ZAR1: variants seen among roughly 807,000 people sequenced by gnomAD.
ZAR1 encodes zygote arrest 1.
Under a neutral mutation model 38.3 loss-of-function variants are expected in ZAR1, and 37 were observed. The ratio of observed to expected loss-of-function variants is 0.97; its 90% CI spans 0.74 to 1.27. The LOEUF (loss-of-function observed/expected upper bound fraction) is 1.27, where lower values mean the gene tolerates loss of function less well. ZAR1 is among the 50% of genes most tolerant of loss of function. The probability of loss-of-function intolerance (pLI) is 0.00; values close to 1 mark genes in which losing one functional copy is unlikely to be tolerated. For synonymous variants in ZAR1, 336 were observed against 292.0 expected (o/e 1.15, Z -1.53); for missense variants, 651 against 632.4 (o/e 1.03, Z -0.32).
intron 1 of ZAR1, among the ~76,000 whole-genome samples, chr4:48,491,729 G>A (rs1486471766): frequency 3.3e-5 from 5 of 152,158 alleles, no homozygotes; most frequent in African/African-American, 1.2e-4. Flanking sequence ...TCTCCTTTAC[G>A]AGCTTCCAGG....
In ZAR1 at chr4:48,490,793, G is replaced by T; in HGVS notation, c.502G>T (p.Gly168Cys). 1 of 1,503,446 alleles carries T rather than the reference G, an allele frequency of 6.7e-7. No homozygotes were observed. The highest frequency in any genetic ancestry group is 8.8e-7 in the Non-Finnish European group (1 of 1,133,672). The allele number at this position is 1,503,446 out of a possible 1,614,324, so 93.1% of individuals were successfully genotyped here. A position where few individuals can be genotyped will look rare whatever the true frequency, so the allele number is the denominator to read the frequency against. Residue 168 changes from glycine (G) to cysteine (C), a missense_variant, in exon 1 of 4, where the codon GGC becomes TGC. Gly to Cys is a radical substitution (Grantham distance 159). This residue lies in a region of ZAR1 where 522 missense variants were observed against 459.9 expected (regional missense o/e 1.14). Coordinates refer to ENST00000327939, the MANE Select transcript of ZAR1 (RefSeq NM_175619.3). The part of the protein sequence containing the change: ...RGLEQGSPQN[G>C]APRPMRFPRT... The stretch of plus-strand genomic sequence containing the variant: ...CCTGGAGCAGGGCAGCCCCCAGAAC[G>T]GCGCCCCGCGGCCCATGCGCTTCCC...
In ZAR1 at chr4:48,490,880, C is replaced by A; in HGVS notation, c.589C>A (p.Pro197Thr). The change falls in exon 1 of 4, where the codon CCC becomes ACC. Residue 197 changes from proline (P) to threonine (T), a missense_variant. Physicochemically the swap from Pro to Thr is conservative, Grantham distance 38 (BLOSUM62 -1). Transcript: ENST00000327939. Reference protein sequence around the residue: ...LRRLTAFLEGPGPAAGEQRSG... With the variant: ...LRRLTAFLEGTGPAAGEQRSG... ...CCGTCTCACCGCCTTCCTGGAGGGGCCCGGGCCCGCGGCGGGCGAGCAGAG... is the reference window on the plus strand; with the variant it reads ...CCGTCTCACCGCCTTCCTGGAGGGGACCGGGCCCGCGGCGGGCGAGCAGAG... The A allele has an allele frequency of 2.1e-6, 3 of 1,415,906 alleles. No homozygotes were observed. Among genetic ancestry groups the A allele is most frequent in the South Asian group, 1.5e-5 (1 of 68,070 alleles). The allele number at this position is 1,415,906 out of a possible 1,614,324, so 87.7% of individuals were successfully genotyped here.
chr4:48,494,346 AGTGTATTCTG>A lies in ZAR1; in HGVS notation c.*103_*112del. 1 of 1,455,430 alleles carries A rather than the reference AGTGTATTCTG, an allele frequency of 6.9e-7. No homozygotes were observed. Among genetic ancestry groups the A allele is most frequent in the Admixed American group, 2.0e-5 (1 of 51,154 alleles). The allele number at this position is 1,455,430 out of a possible 1,614,324, so 90.2% of individuals were successfully genotyped here. ...CTTCTCAAAATACTTCATGAAAGGCAGTGTATTCTGAAAAAGCCTTCAAATAAAGGTATTG... is the reference window on the plus strand; with the variant it reads ...CTTCTCAAAATACTTCATGAAAGGCAAAAAAGCCTTCAAATAAAGGTATTG... On this transcript the variant is annotated 3_prime_UTR_variant, in exon 4 of 4. Coordinates refer to ENST00000327939, the MANE Select transcript of ZAR1 (RefSeq NM_175619.3).
rs979982256 is a variant in ZAR1, at chr4:48,491,160, C to T, written c.869C>T (p.Ala290Val). 9.2e-5 allele frequency: 114 copies of T among 1,239,512 alleles called. No homozygotes were observed. In the African/African-American group the frequency reaches 1.7e-3, roughly 18 times the overall value. 76.8% of individuals were successfully genotyped at this position (1,239,512 alleles called of 1,614,324 possible). The change falls in exon 1 of 4, where the codon GCC becomes GTC. Residue 290 changes from alanine to valine, a missense_variant. Transcript: ENST00000327939. The part of the protein sequence containing the change: ...SPGQPPSAGR[A>V]RDGGDGREAA... ...GGGCAACCTCCGTCGGCGGGGAGGG[C>T]CCGAGACGGCGGCGACGGACGGGAG...
chr4:48,490,507 C>T lies in ZAR1; in HGVS notation c.216C>T (p.Ala72=), dbSNP rs1718394821. 6.8e-7 allele frequency: 1 copy of T among 1,472,638 alleles called. No individual in the cohort carries two copies. Among genetic ancestry groups the T allele is most frequent in the Non-Finnish European group, 8.9e-7 (1 of 1,120,932 alleles). 91.2% of individuals were successfully genotyped at this position (1,472,638 alleles called of 1,614,324 possible). A position where few individuals can be genotyped will look rare whatever the true frequency, so the allele number is the denominator to read the frequency against. ...SFPGCGRLTA[A]EYFDSYQRER... ...CGGGCTGCGGGCGGCTGACGGCCGC[C>T]GAGTACTTCGACAGCTACCAGCGGG... is the stretch of plus-strand genomic sequence containing the variant. The change falls in exon 1 of 4, where the codon GCC becomes GCT. Residue 72 remains alanine, a synonymous_variant. Coordinates refer to ENST00000327939, the MANE Select transcript of ZAR1 (RefSeq NM_175619.3).
Position 48,490,363 on chromosome 4 carries a change from C to A in ZAR1, c.72C>A (p.Tyr24Ter). 1 of 1,507,828 alleles carries A rather than the reference C, an allele frequency of 6.6e-7. No individual in the cohort carries two copies. Among genetic ancestry groups the A allele is most frequent in the Admixed American group, 2.1e-5 (1 of 47,478 alleles). 93.4% of individuals were successfully genotyped at this position (1,507,828 alleles called of 1,614,324 possible). A position where few individuals can be genotyped will look rare whatever the true frequency, so the allele number is the denominator to read the frequency against. The change falls in exon 1 of 4, where the codon TAC becomes TAA. Residue 24 changes from tyrosine (Y) to a stop codon, truncating the protein, a stop_gained. Transcript: ENST00000327939. LOFTEE classifies it high-confidence loss of function. ...CGTGCCCCCCCTGCTCGTACCGGTACCCATACCCCGCGGCCACCAAGGGCA... is the reference window on the plus strand; with the variant it reads ...CGTGCCCCCCCTGCTCGTACCGGTAACCATACCCCGCGGCCACCAAGGGCA... ...FPACPPCSYR[Y>*]PYPAATKGKG...
chr4:48,494,354 C>T lies in ZAR1; in HGVS notation c.*110C>T, dbSNP rs1423693488. ...AATACTTCATGAAAGGCAGTGTATT[C>T]TGAAAAAGCCTTCAAATAAAGGTAT... On this transcript the variant is annotated 3_prime_UTR_variant, in exon 4 of 4. Coordinates refer to ENST00000327939, the MANE Select transcript of ZAR1 (RefSeq NM_175619.3). 2.2e-6 allele frequency: 3 copies of T among 1,362,156 alleles called. No individual in the cohort carries two copies. In the African/African-American group the frequency reaches 4.4e-5, roughly 20 times the overall value. The allele number at this position is 1,362,156 out of a possible 1,614,324, so 84.4% of individuals were successfully genotyped here.
chr4:48,491,549 G>A (rs563531026), intron 1 of ZAR1, among the ~76,000 whole-genome samples: 2 of 131,406 alleles, frequency 1.5e-5, no homozygotes, highest in African/African-American at 5.3e-5. Flanking sequence ...CGCAGTGGGC[G>A]CATAGGCCAG....
Position 48,491,106 on chromosome 4 carries a change from C to G in ZAR1, c.815C>G (p.Ala272Gly), listed in dbSNP as rs1037557386. 1 of 1,270,182 alleles carries G rather than the reference C, an allele frequency of 7.9e-7. No homozygotes were observed. The highest frequency in any genetic ancestry group is 9.9e-7 in the Non-Finnish European group (1 of 1,010,112). The allele number at this position is 1,270,182 out of a possible 1,614,324, so 78.7% of individuals were successfully genotyped here. The change falls in exon 1 of 4, where the codon GCG (alanine) becomes GGG (glycine). Residue 272 changes from alanine to glycine, a missense_variant. This residue lies in a region of ZAR1 where 522 missense variants were observed against 459.9 expected (regional missense o/e 1.14). Coordinates refer to ENST00000327939, the MANE Select transcript of ZAR1 (RefSeq NM_175619.3). ...CCGCGAGAGGCCCAGGAGGGCGAGG[C>G]GGCTCCGCGGTCGGCGCTAAGGAGC... ...LPPREAQEGE[A>G]APRSALRSPG... is the part of the protein sequence containing the mutation.
chr4:48,493,403 G>T (rs890997989), intron 3 of ZAR1, among the ~76,000 whole-genome samples: 1 of 152,112 alleles, frequency 6.6e-6, no homozygotes, highest in East Asian at 1.9e-4. Flanking sequence ...AGCACAGGGG[G>T]TTAGTTTGTC....
rs992257572 is a variant in ZAR1, at chr4:48,490,857, G to A, written c.566G>A (p.Arg189His). The change falls in exon 1 of 4, where the codon CGT becomes CAT. Residue 189 changes from arginine to histidine, a missense_variant. Transcript: ENST00000327939. ...VAVYSPLALRRLTAFLEGPGP... is the reference protein window; with the variant it reads ...VAVYSPLALRHLTAFLEGPGP... ...GTGTACTCGCCCCTGGCCTTGCGCC[G>A]TCTCACCGCCTTCCTGGAGGGGCCC... 3.4e-6 allele frequency: 5 copies of A among 1,470,658 alleles called. No homozygotes were observed. The highest frequency in any genetic ancestry group is 1.3e-5 in the South Asian group (1 of 75,852). The allele number at this position is 1,470,658 out of a possible 1,614,324, so 91.1% of individuals were successfully genotyped here.
rs1483500082 is a variant in ZAR1 at position 48,492,995 on chromosome 4, G to T, written c.1114G>T (p.Glu372Ter). Reference protein sequence around the residue: ...CQKSYNPYRVEDITCQSCKQT... With the variant: ...CQKSYNPYRV ...GAAGTCTTATAACCCTTACCGAGTG[G>T]AGGATATCACCTGTCAAGTAAATCA... Residue 372 changes from glutamate to a stop codon, truncating the protein, a stop_gained, in exon 3 of 4, where the codon GAG (glutamate) becomes TAG (stop). Coordinates refer to ENST00000327939, the MANE Select transcript of ZAR1 (RefSeq NM_175619.3). LOFTEE classifies it high-confidence loss of function. 6 of 1,614,182 alleles carry T rather than the reference G, an allele frequency of 3.7e-6. No individual in the cohort carries two copies. The highest frequency in any genetic ancestry group is 5.1e-6 in the Non-Finnish European group (6 of 1,180,036).
downstream of ZAR1, among the ~76,000 whole-genome samples, chr4:48,496,118 T>C (rs551596137): frequency 6.6e-6 from 1 of 152,002 alleles, no homozygotes; most frequent in East Asian, 1.9e-4. Flanking sequence ...AAAGGTATGG[T>C]GGGGATAGTG....
At position 48,490,486 on chromosome 4, in the gene ZAR1, C is replaced by T; in HGVS notation, c.195C>T (p.Gly65=). 1 of 1,468,674 alleles carries T rather than the reference C, an allele frequency of 6.8e-7. No homozygotes were observed. Among genetic ancestry groups the T allele is most frequent in the Non-Finnish European group, 8.9e-7 (1 of 1,119,228 alleles). 91.0% of individuals were successfully genotyped at this position (1,468,674 alleles called of 1,614,324 possible). A position where few individuals can be genotyped will look rare whatever the true frequency, so the allele number is the denominator to read the frequency against. The change falls in exon 1 of 4, where the codon GGC becomes GGT. Residue 65 remains glycine, a synonymous_variant. Transcript: ENST00000327939. Reference sequence around the variant, plus strand: ...GCGCGGCCTCGTTGTCCTTCCCGGGCTGCGGGCGGCTGACGGCCGCCGAGT... The same window carrying T: ...GCGCGGCCTCGTTGTCCTTCCCGGGTTGCGGGCGGCTGACGGCCGCCGAGT... ...SAGAASLSFP[G]CGRLTAAEYF... is the part of the protein sequence containing the mutation.
intron 3 of ZAR1, among the ~76,000 whole-genome samples, chr4:48,493,502 A>G (rs373667980): frequency 6.6e-6 from 1 of 152,254 alleles, no homozygotes; most frequent in South Asian, 2.1e-4. Context: ...AGCAAGCAAT[A>G]TGTTAACTAA....
At chr4:48,492,479 A>G (rs920925119) in intron 1 of ZAR1, among the ~76,000 whole-genome samples, 4 of 152,162 alleles carry the variant, frequency 2.6e-5, no homozygotes, top group African/African-American at 9.7e-5. Context: ...CAGAATCCCA[A>G]ACTTTAGAGA....
intron 3 of ZAR1, 34 bp downstream of exon 3, chr4:48,493,046 G>A (rs1345600354): frequency 6.2e-7 from 1 of 1,603,926 alleles, no homozygotes; most frequent in Non-Finnish European, 8.5e-7. Flanking sequence ...GTCTGACCTG[G>A]GCAGTCGTCG....
intron 3 of ZAR1, among the ~76,000 whole-genome samples, chr4:48,493,663 G>A (rs777693385): frequency 1.3e-5 from 2 of 152,182 alleles, no homozygotes; most frequent in African/African-American, 4.8e-5. Flanking sequence ...CTTGACCCAC[G>A]TTGGATATTT....
At chr4:48,492,489 A>G (rs73246028) in intron 1 of ZAR1, among the ~76,000 whole-genome samples, 7,325 of 152,262 alleles carry the variant, frequency 0.048, 274 homozygotes, top group Non-Finnish European at 0.075. Context: ...AACTTTAGAG[A>G]ACTGTTTATT....
Sources: allele counts gnomAD v4.1 joint callset (sites outside exome capture counted in the v4.1 genomes callset), GRCh38; gene constraint gnomAD v4.1.1; regional missense constraint gnomAD v4.1.1; transcripts MANE v1.5; gene names NCBI Gene and HGNC (gene_info 2026-07-23, HGNC 2026-07-21).